The following EYS variants were observed in gnomAD, a reference collection of about 807,000 sequenced individuals.
The protein encoded by EYS is protein eyes shut homolog.
EYS carries 250 observed loss-of-function variants against 282.1 expected under a neutral mutation model. The ratio of observed to expected loss-of-function variants is 0.89; its 90% CI spans 0.80 to 0.98. The LOEUF (loss-of-function observed/expected upper bound fraction) is 0.98, where lower values mean the gene tolerates loss of function less well. Among genes scored for constraint, EYS ranks in the 50% least tolerant of loss-of-function variants. EYS has a pLI of 0.00. For synonymous variants in EYS, 1,355 were observed against 1,282.9 expected (o/e 1.06, Z -1.20); for missense variants, 4,016 against 3,709.0 (o/e 1.08, Z -2.15).
chr6:65,397,486 T>C (rs1005160140), intron 7 of EYS, among the ~76,000 whole-genome samples: 2 of 151,994 alleles, frequency 1.3e-5, no homozygotes, highest in African/African-American at 2.4e-5. Flanking sequence ...TACTTTCTGG[T>C]TCCGAGTCAT....
intron 30 of EYS, among the ~76,000 whole-genome samples, chr6:64,280,483 CTTCA>C (rs1170533068): frequency 4.2e-4 from 64 of 152,204 alleles, no homozygotes; most frequent in African/African-American, 1.4e-3. Flanking sequence ...AGATGTGTGA[CTTCA>C]TTCATAACTG....
intron 32 of EYS, among the ~76,000 whole-genome samples, chr6:64,072,574 G>A (rs529261045): frequency 5.1e-4 from 77 of 151,916 alleles, no homozygotes; most frequent in Admixed American, 4.8e-3. Flanking sequence ...AACTGCACCA[G>A]CACTTGTGTG....
intron 18 of EYS, among the ~76,000 whole-genome samples, chr6:64,901,098 G>C (rs1767645206): frequency 6.6e-6 from 1 of 151,842 alleles, no homozygotes. Flanking sequence ...CAGGGACATG[G>C]ATGAAGCTGG....
intron 5 of EYS, among the ~76,000 whole-genome samples, chr6:65,410,940 T>A (rs1766990911): frequency 6.6e-6 from 1 of 151,874 alleles, no homozygotes; most frequent in Non-Finnish European, 1.5e-5. Context: ...AATAAATGAG[T>A]TTTATATTTT....
At chr6:65,691,354 A>G (rs1421637596) in intron 1 of EYS, among the ~76,000 whole-genome samples, 1 of 149,954 alleles carries the variant, frequency 6.7e-6, no homozygotes, top group Non-Finnish European at 1.5e-5. Flanking sequence ...TTTTTTTCAT[A>G]CAATTGTTGG....
At chr6:64,252,469 AATC>A (rs1179322581) in intron 30 of EYS, among the ~76,000 whole-genome samples, 1 of 152,126 alleles carries the variant, frequency 6.6e-6, no homozygotes, top group Non-Finnish European at 1.5e-5. Flanking sequence ...TCATCCTGTC[AATC>A]ATCATAGTCA....
At chr6:65,621,346 G>A (rs1766485162) in intron 2 of EYS, among the ~76,000 whole-genome samples, 1 of 151,798 alleles carries the variant, frequency 6.6e-6, no homozygotes, top group African/African-American at 2.4e-5. Context: ...TTGGTTTAAA[G>A]TCTGTTTTAG....
At chr6:64,275,629 G>T (rs957707748) in intron 30 of EYS, among the ~76,000 whole-genome samples, 1 of 151,276 alleles carries the variant, frequency 6.6e-6, no homozygotes, top group African/African-American at 2.4e-5. Flanking sequence ...TGTTAGCCAG[G>T]ATGGTCTCTA....
chr6:63,799,813 T>C (rs962732054), intron 37 of EYS, among the ~76,000 whole-genome samples: 3 of 152,188 alleles, frequency 2.0e-5, no homozygotes, highest in Non-Finnish European at 4.4e-5. Context: ...GTAGGTAGAA[T>C]ATAAGAGATC....
chr6:65,359,528 A>T (rs1764618780), intron 8 of EYS, among the ~76,000 whole-genome samples: 1 of 151,998 alleles, frequency 6.6e-6, no homozygotes, highest in Non-Finnish European at 1.5e-5. Flanking sequence ...GCTTTTCATG[A>T]TGTATTAAGC....
intron 22 of EYS, among the ~76,000 whole-genome samples, chr6:64,676,495 T>C (rs1769690125): frequency 6.6e-6 from 1 of 151,988 alleles, no homozygotes; most frequent in Non-Finnish European, 1.5e-5. Context: ...TAATTGTTAT[T>C]ACAAATAATT....
rs139714903 is a variant in EYS, at chr6:64,141,668, T to C, written c.6425-59666A>G. 4.2e-4 allele frequency among the ~76,000 whole-genome samples: 64 copies of C among 152,312 alleles called. No homozygotes were observed. In the East Asian group the frequency reaches 9.6e-3, roughly 23 times the overall value. On this transcript the variant is annotated intron_variant, in intron 31 of 42. Coordinates refer to ENST00000503581, the MANE Select transcript of EYS (RefSeq NM_001142800.2). ...ATAAGATATAATCATATAAGAATGG[T>C]ATTTCTAATTTATTCCTAATTGGTT...
At chr6:64,643,926 C>A (rs201036594) in intron 22 of EYS, among the ~76,000 whole-genome samples, 1 of 152,112 alleles carries the variant, frequency 6.6e-6, no homozygotes, top group Non-Finnish European at 1.5e-5. Flanking sequence ...TTATCAGCAG[C>A]GTGAGAGTGG....
chr6:64,146,851 C>G (rs1262934769), intron 31 of EYS, among the ~76,000 whole-genome samples: 1 of 152,002 alleles, frequency 6.6e-6, no homozygotes, highest in African/African-American at 2.4e-5. Flanking sequence ...TAGAAGTGAG[C>G]CTAAGAGATG....
At chr6:64,408,057 C>G (rs1324792039) in intron 28 of EYS, among the ~76,000 whole-genome samples, 1 of 151,970 alleles carries the variant, frequency 6.6e-6, no homozygotes, top group Admixed American at 6.6e-5. Context: ...AAAGGGAATA[C>G]ATAACAGAGG....
chr6:65,437,718 TA>T (rs1436663689), intron 5 of EYS, among the ~76,000 whole-genome samples: 1 of 152,188 alleles, frequency 6.6e-6, no homozygotes, highest in Non-Finnish European at 1.5e-5. Flanking sequence ...GATTCATTTT[TA>T]TTCCTATTAT....
intron 12 of EYS, among the ~76,000 whole-genome samples, chr6:65,186,066 C>T (rs978684820): frequency 6.6e-6 from 1 of 151,660 alleles, no homozygotes; most frequent in African/African-American, 2.4e-5. Flanking sequence ...ATAATACTAA[C>T]TTGCTTTCTG....
chr6:65,706,238 ATAT>A (rs1769873875), intron 1 of EYS, among the ~76,000 whole-genome samples: 1 of 151,854 alleles, frequency 6.6e-6, no homozygotes, highest in African/African-American at 2.4e-5. Flanking sequence ...ATAGTTTCTA[ATAT>A]TATGCAATTA....
chr6:64,850,028 C>A (rs916782402), intron 19 of EYS, among the ~76,000 whole-genome samples: 1 of 151,862 alleles, frequency 6.6e-6, no homozygotes, highest in Non-Finnish European at 1.5e-5. Flanking sequence ...GAAGTCATTC[C>A]TACAATTTTG....
Sources: gnomAD v4.1 joint callset for allele counts (sites outside exome capture counted in the v4.1 genomes callset) on GRCh38, gnomAD v4.1.1 for gene constraint, MANE v1.5 for transcripts, NCBI Gene and HGNC (gene_info 2026-07-23, HGNC 2026-07-21) for gene names.